The following SLC35F3 variants were observed in gnomAD, a reference collection of about 807,000 sequenced individuals.
SLC35F3 encodes the protein putative thiamine transporter SLC35F3.
SLC35F3 carries 25 observed loss-of-function variants against 49.9 expected under a neutral mutation model. The ratio of observed to expected loss-of-function variants is 0.50; its 90% CI spans 0.37 to 0.70. The LOEUF (loss-of-function observed/expected upper bound fraction) is 0.70, where lower values mean the gene tolerates loss of function less well. SLC35F3 is among the 30% of genes least tolerant of loss of function. The pLI is 0.00. For missense variants in SLC35F3, 525 were observed against 639.8 expected (o/e 0.82, Z 1.94); for synonymous variants, 275 against 265.4 (o/e 1.04, Z -0.35).
intron 2 of SLC35F3, among the ~76,000 whole-genome samples, chr1:234,100,857 G>A (rs1665204274): frequency 1.3e-5 from 2 of 152,306 alleles, no homozygotes; most frequent in African/African-American, 4.8e-5. Context: ...CCAGGATGGG[G>A]CAGGAATCCT....
intron 2 of SLC35F3, among the ~76,000 whole-genome samples, chr1:234,224,293 C>T (rs1667253949): frequency 6.6e-6 from 1 of 152,200 alleles, no homozygotes; most frequent in African/African-American, 2.4e-5. Flanking sequence ...TCTTGAACCC[C>T]TGGGCTCAAG....
chr1:234,012,162 C>T (rs966071531), intron 2 of SLC35F3, among the ~76,000 whole-genome samples: 1 of 152,198 alleles, frequency 6.6e-6, no homozygotes, highest in African/African-American at 2.4e-5. Context: ...TTTCTCTCTG[C>T]CCAAACATCT....
At chr1:234,074,969 G>T (rs143199404) in intron 2 of SLC35F3, among the ~76,000 whole-genome samples, 4 of 152,132 alleles carry the variant, frequency 2.6e-5, no homozygotes, top group Non-Finnish European at 2.9e-5. Context: ...GGGCTGTGAC[G>T]TCTGAGTTTT....
At chr1:234,309,057 G>T in intron 3 of SLC35F3, 44 bp from the exon 4 acceptor site, 3 of 1,552,208 alleles carry the variant, frequency 1.9e-6, no homozygotes, top group South Asian at 2.2e-5. Context: ...TGGTCTGTCT[G>T]AACCCAGGAA....
At position 234,030,846 on chromosome 1, in the gene SLC35F3, A is replaced by T. The variant is rs532974976; in HGVS notation, c.283+125088A>T. 1.4e-3 allele frequency among the ~76,000 whole-genome samples: 219 copies of T among 152,336 alleles called. 1 individual carries two copies. Among genetic ancestry groups the T allele is most frequent in the African/African-American group, 4.9e-3 (204 of 41,582 alleles). ...TTGGGATAAACCAAGAGAAAAGATGATTCTAACAGTTACTCTCCTAATCGA... is the reference window on the plus strand; with the variant it reads ...TTGGGATAAACCAAGAGAAAAGATGTTTCTAACAGTTACTCTCCTAATCGA... On this transcript the variant is annotated intron_variant, in intron 2 of 7. Transcript: ENST00000366618.
chr1:234,260,353 A>G (rs1022373677), intron 3 of SLC35F3, among the ~76,000 whole-genome samples: 1 of 152,242 alleles, frequency 6.6e-6, no homozygotes, highest in Non-Finnish European at 1.5e-5. Flanking sequence ...CTCACTTAAA[A>G]AAAAGAGAAA....
intron 3 of SLC35F3, among the ~76,000 whole-genome samples, chr1:234,287,868 C>G (rs1668447123): frequency 1.3e-5 from 2 of 152,114 alleles, no homozygotes; most frequent in African/African-American, 4.8e-5. Flanking sequence ...AAGACTATTG[C>G]CTTGAACTTG....
intron 2 of SLC35F3, among the ~76,000 whole-genome samples, chr1:233,907,207 G>A (rs984886589): frequency 6.6e-6 from 1 of 152,118 alleles, no homozygotes; most frequent in African/African-American, 2.4e-5. Context: ...AAAAGACAGT[G>A]GTATAAATGA....
intron 3 of SLC35F3, among the ~76,000 whole-genome samples, chr1:234,255,308 A>G (rs1400374344): frequency 6.6e-6 from 1 of 152,246 alleles, no homozygotes; most frequent in Non-Finnish European, 1.5e-5. Flanking sequence ...AGATACCACT[A>G]CACACCTATT....
At chr1:234,309,399 T>C (rs1657294193) in intron 4 of SLC35F3, 79 bp downstream of exon 4, 1 of 1,243,250 alleles carries the variant, frequency 8.0e-7, no homozygotes, top group African/African-American at 1.5e-5. Flanking sequence ...CTTAGCTCCA[T>C]GTGCTGGACC....
At chr1:234,138,047 T>G (rs146304775) in intron 2 of SLC35F3, among the ~76,000 whole-genome samples, 314 of 152,162 alleles carry the variant, frequency 2.1e-3, no homozygotes, top group African/African-American at 6.9e-3. Flanking sequence ...AAAAAAGGAG[T>G]TGAAGCATTT....
chr1:234,212,158 T>A (rs1279733029), intron 2 of SLC35F3, among the ~76,000 whole-genome samples: 1 of 152,218 alleles, frequency 6.6e-6, no homozygotes, highest in East Asian at 1.9e-4. Flanking sequence ...TATAAGTCCA[T>A]TAAACCTCTT....
chr1:234,226,318 G>C (rs1361804277), intron 2 of SLC35F3, among the ~76,000 whole-genome samples: 1 of 152,040 alleles, frequency 6.6e-6, no homozygotes, highest in Non-Finnish European at 1.5e-5. Flanking sequence ...GGTGGTCTTT[G>C]ATCCCCGCTC....
chr1:233,981,090 A>G (rs1663174710), intron 2 of SLC35F3, among the ~76,000 whole-genome samples: 1 of 152,238 alleles, frequency 6.6e-6, no homozygotes, highest in Non-Finnish European at 1.5e-5. Flanking sequence ...GATACTGTGT[A>G]TGCCTCATTC....
At chr1:233,917,426 C>G (rs1257020295) in intron 2 of SLC35F3, among the ~76,000 whole-genome samples, 1 of 151,140 alleles carries the variant, frequency 6.6e-6, no homozygotes, top group Non-Finnish European at 1.5e-5. Context: ...TTGGTGTATC[C>G]CAGTCATTAA....
intron 3 of SLC35F3, among the ~76,000 whole-genome samples, chr1:234,243,769 AGTGCAGG>A (rs549708661): frequency 1.1e-3 from 172 of 152,358 alleles, no homozygotes; most frequent in African/African-American, 3.8e-3. Flanking sequence ...CTCCTGCTAC[AGTGCAGG>A]GTTGCTGCAG....
intron 2 of SLC35F3, among the ~76,000 whole-genome samples, chr1:233,949,448 A>G (rs150814504): frequency 6.6e-6 from 1 of 152,334 alleles, no homozygotes; most frequent in African/African-American, 2.4e-5. Flanking sequence ...GAAAAACAGT[A>G]TATTTGCTCA....
At chr1:234,284,210 A>G (rs890873546) in intron 3 of SLC35F3, among the ~76,000 whole-genome samples, 1 of 152,198 alleles carries the variant, frequency 6.6e-6, no homozygotes, top group African/African-American at 2.4e-5. Context: ...TGTCCAGATA[A>G]TAACTTTTTA....
intron 3 of SLC35F3, among the ~76,000 whole-genome samples, chr1:234,249,169 G>A (rs767798987): frequency 6.6e-6 from 1 of 152,132 alleles, no homozygotes. Context: ...TGAGGCAATT[G>A]TATCCTACCC....
Sources: allele counts gnomAD v4.1 joint callset (sites outside exome capture counted in the v4.1 genomes callset), GRCh38; gene constraint gnomAD v4.1.1; transcripts MANE v1.5; gene names NCBI Gene and HGNC (gene_info 2026-07-23, HGNC 2026-07-21).